The following PPARGC1A variants were observed in gnomAD, a reference collection of about 807,000 sequenced individuals.
PPARGC1A encodes PPARG coactivator 1 alpha, also known as peroxisome proliferator-activated receptor gamma coactivator 1-alpha.
PPARGC1A carries 25 observed loss-of-function variants against 88.7 expected under a neutral mutation model. The observed-to-expected ratio is 0.28, with a 90% CI of 0.21 to 0.39. PPARGC1A has a LOEUF of 0.39. Ranked by LOEUF, PPARGC1A falls within the 10% of genes least tolerant of loss-of-function variation. The pLI is 1.00. For synonymous variants in PPARGC1A, 363 were observed against 355.6 expected (o/e 1.02, Z -0.24); for missense variants, 880 against 968.7 (o/e 0.91, Z 1.22).
chr4:24,089,803 C>T, the PPARGC1A span, among the ~76,000 whole-genome samples: 2 of 152,126 alleles, frequency 1.3e-5, no homozygotes, highest in African/African-American at 4.8e-5. Flanking sequence ...AGCCACCGTG[C>T]GCGGCCTAGG....
At chr4:24,382,979 C>T in the PPARGC1A span, among the ~76,000 whole-genome samples, 1 of 152,198 alleles carries the variant, frequency 6.6e-6, no homozygotes, top group Non-Finnish European at 1.5e-5. Context: ...ACACCTCATA[C>T]AGGAGAGCTC....
the PPARGC1A span, among the ~76,000 whole-genome samples, chr4:24,018,588 T>A: frequency 3.5e-4 from 53 of 152,274 alleles, no homozygotes; most frequent in African/African-American, 1.3e-3. Context: ...TCAGTATGTC[T>A]TCTAATAAAA....
the PPARGC1A span, among the ~76,000 whole-genome samples, chr4:23,945,692 G>C: frequency 2.6e-5 from 4 of 152,176 alleles, no homozygotes; most frequent in African/African-American, 9.7e-5. Context: ...CAGATAGTGT[G>C]ATAGGCACAA....
intron 2 of PPARGC1A, among the ~76,000 whole-genome samples, chr4:23,842,990 G>A (rs2148616336): frequency 6.6e-6 from 1 of 152,036 alleles, no homozygotes; most frequent in South Asian, 2.1e-4. Context: ...TTACATTAAT[G>A]TGCCTAGTTG....
At chr4:24,125,639 T>C in the PPARGC1A span, among the ~76,000 whole-genome samples, 1 of 152,148 alleles carries the variant, frequency 6.6e-6, no homozygotes, top group South Asian at 2.1e-4. Context: ...AGAGAGATCA[T>C]CAATTTACAA....
At chr4:24,329,600 C>T in the PPARGC1A span, among the ~76,000 whole-genome samples, 8 of 152,118 alleles carry the variant, frequency 5.3e-5, no homozygotes, top group South Asian at 2.1e-4. Context: ...TGAATGTCAT[C>T]GGCAAAGATC....
intron 10 of PPARGC1A, among the ~76,000 whole-genome samples, chr4:23,807,590 TTGATA>T (rs1157744269): frequency 6.6e-6 from 1 of 152,184 alleles, no homozygotes; most frequent in African/African-American, 2.4e-5. Context: ...TGAAGCATAA[TTGATA>T]TATCAAAAAA....
chr4:23,912,939 C>T, the PPARGC1A span, among the ~76,000 whole-genome samples: 1 of 151,322 alleles, frequency 6.6e-6, no homozygotes, highest in Admixed American at 6.6e-5. Flanking sequence ...CAGGCGCCCA[C>T]CACCACGCCC....
the PPARGC1A span, among the ~76,000 whole-genome samples, chr4:24,226,449 G>A: frequency 6.6e-6 from 1 of 152,218 alleles, no homozygotes; most frequent in Admixed American, 6.5e-5. Context: ...TGAAGAGAGG[G>A]AAGGTGGAAA....
chr4:23,913,209 C>A, the PPARGC1A span, among the ~76,000 whole-genome samples: 1 of 141,434 alleles, frequency 7.1e-6, no homozygotes, highest in African/African-American at 2.6e-5. Context: ...TATAGAATCT[C>A]TCAATTGGTA....
chr4:24,354,514 T>C, the PPARGC1A span, among the ~76,000 whole-genome samples: 4 of 152,242 alleles, frequency 2.6e-5, no homozygotes, highest in African/African-American at 9.6e-5. Flanking sequence ...AGTTCTATCA[T>C]TTAGTTTTCT....
the PPARGC1A span, among the ~76,000 whole-genome samples, chr4:23,953,060 GGT>G: frequency 2.6e-5 from 4 of 151,782 alleles, no homozygotes; most frequent in Non-Finnish European, 5.9e-5. Flanking sequence ...AACTTACTTA[GGT>G]CTAACTTTTG....
chr4:23,944,316 C>T, the PPARGC1A span, among the ~76,000 whole-genome samples: 1 of 152,146 alleles, frequency 6.6e-6, no homozygotes, highest in Non-Finnish European at 1.5e-5. Flanking sequence ...TGTGGACCCC[C>T]TCCTGATTAG....
chr4:24,173,017 C>T, the PPARGC1A span, among the ~76,000 whole-genome samples: 2 of 152,106 alleles, frequency 1.3e-5, no homozygotes, highest in African/African-American at 4.8e-5. Context: ...TATTTTAGTA[C>T]CTCTAATCTT....
the PPARGC1A span, among the ~76,000 whole-genome samples, chr4:23,975,353 T>G: frequency 2.8e-4 from 43 of 152,258 alleles, 1 homozygote; most frequent in African/African-American, 9.9e-4. Context: ...TTCTTTTTGA[T>G]TAAAGAATGA....
the PPARGC1A span, among the ~76,000 whole-genome samples, chr4:24,288,837 G>C: frequency 1.3e-5 from 2 of 152,182 alleles, no homozygotes; most frequent in Admixed American, 6.5e-5. Flanking sequence ...GCCTTAGAGA[G>C]ACGACTGCAA....
At chr4:23,873,217 T>G (rs13106382) in intron 2 of PPARGC1A, among the ~76,000 whole-genome samples, 6 of 106,090 alleles carry the variant, frequency 5.7e-5, no homozygotes, top group African/African-American at 1.7e-4. Flanking sequence ...AAATAAAAAA[T>G]AAAAAATAAA....
chr4:24,035,073 A>T, the PPARGC1A span, among the ~76,000 whole-genome samples: 1 of 152,190 alleles, frequency 6.6e-6, no homozygotes, highest in Non-Finnish European at 1.5e-5. Flanking sequence ...GATTTTGCTC[A>T]TTGCTCTGCT....
chr4:23,818,852 T>C (rs915292025), intron 7 of PPARGC1A, among the ~76,000 whole-genome samples: 19 of 145,508 alleles, frequency 1.3e-4, no homozygotes, highest in East Asian at 2.0e-4. Flanking sequence ...TTTTTTTTTT[T>C]TTTTTTTTTT....
Sources: gnomAD v4.1 joint callset for allele counts (sites outside exome capture counted in the v4.1 genomes callset) on GRCh38, gnomAD v4.1.1 for gene constraint, MANE v1.5 for transcripts, NCBI Gene and HGNC (gene_info 2026-07-23, HGNC 2026-07-21) for gene names.